Variants in CADM2 observed in about 807,000 individuals in gnomAD.
CADM2 encodes the protein immunoglobulin superfamily member 4D.
A neutral mutation model predicts 49.8 loss-of-function variants in CADM2; 12 were observed. That is an observed-to-expected ratio of 0.24 (90% CI 0.15 to 0.39). The LOEUF (loss-of-function observed/expected upper bound fraction) is 0.39, where lower values mean the gene tolerates loss of function less well. Among genes scored for constraint, CADM2 ranks in the 10% least tolerant of loss-of-function variants. The pLI, the probability that CADM2 is intolerant of heterozygous loss-of-function variation, is 1.00. For synonymous variants in CADM2, 214 were observed against 175.4 expected (o/e 1.22, Z -1.74); for missense variants, 378 against 492.3 (o/e 0.77, Z 2.20).
chr3:85,052,294 G>C (rs1489758351), intron 1 of CADM2, among the ~76,000 whole-genome samples: 1 of 152,028 alleles, frequency 6.6e-6, no homozygotes, highest in African/African-American at 2.4e-5. Flanking sequence ...CATGGATTAG[G>C]CTACAGCAAC....
intron 2 of CADM2, among the ~76,000 whole-genome samples, chr3:85,801,308 CA>C (rs1174464890): frequency 6.6e-6 from 1 of 151,976 alleles, no homozygotes; most frequent in African/African-American, 2.4e-5. Flanking sequence ...TCCAAATTAA[CA>C]AGGGTCATTT....
intron 1 of CADM2, among the ~76,000 whole-genome samples, chr3:85,439,525 T>A (rs1199136144): frequency 6.6e-6 from 1 of 152,166 alleles, no homozygotes; most frequent in Non-Finnish European, 1.5e-5. Flanking sequence ...GCAAACAAAT[T>A]CTTCTATTTT....
intron 1 of CADM2, among the ~76,000 whole-genome samples, chr3:85,503,290 T>C (rs2040192703): frequency 6.6e-6 from 1 of 152,138 alleles, no homozygotes; most frequent in South Asian, 2.1e-4. Context: ...CATGCTTCTG[T>C]TGGAAAATAT....
intron 8 of CADM2, among the ~76,000 whole-genome samples, chr3:85,971,402 A>G (rs1726116443): frequency 6.6e-6 from 1 of 151,708 alleles, no homozygotes; most frequent in South Asian, 2.1e-4. Context: ...GCATAGATGC[A>G]TAGAGGTTAA....
At chr3:85,497,588 T>A (rs1484453411) in intron 1 of CADM2, among the ~76,000 whole-genome samples, 1 of 152,190 alleles carries the variant, frequency 6.6e-6, no homozygotes, top group Non-Finnish European at 1.5e-5. Context: ...TTAAATGTTT[T>A]GTAATTCTCA....
chr3:85,769,901 G>C (rs2069983287), intron 2 of CADM2, among the ~76,000 whole-genome samples: 1 of 151,744 alleles, frequency 6.6e-6, no homozygotes, highest in South Asian at 2.1e-4. Flanking sequence ...TTAGTGTTTT[G>C]ATGCTAGAAC....
chr3:85,857,606 G>A (rs1465912624), intron 3 of CADM2, among the ~76,000 whole-genome samples: 2 of 152,086 alleles, frequency 1.3e-5, no homozygotes, highest in Admixed American at 6.5e-5. Flanking sequence ...GCCTCCCAAA[G>A]TGTTGGGTAA....
At position 85,030,135 on chromosome 3, in the gene CADM2, A is replaced by G. The variant is rs559237656; in HGVS notation, c.61+70467A>G. Among the ~76,000 whole-genome samples, 6 of 152,332 alleles carry G rather than the reference A, an allele frequency of 3.9e-5. No homozygotes were observed. In the East Asian group the frequency reaches 1.2e-3, roughly 29 times the overall value. ...TCTGCATTAAGTATCTTAAACTCCAAGATTCACTCTGACTACCTCTCAACC... is the reference window on the plus strand; with the variant it reads ...TCTGCATTAAGTATCTTAAACTCCAGGATTCACTCTGACTACCTCTCAACC... On this transcript the variant is annotated intron_variant, in intron 1 of 9. Coordinates refer to ENST00000383699, the MANE Select transcript of CADM2 (RefSeq NM_001167675.2).
Position 85,948,601 on chromosome 3 carries a change from A to T in CADM2, c.791+12744A>T, listed in dbSNP as rs561677703. On this transcript the variant is annotated intron_variant, in intron 7 of 9. Coordinates refer to ENST00000383699, the MANE Select transcript of CADM2 (RefSeq NM_001167675.2). ...CTCAAAAAAATACATCCTAAAAGAA[A>T]TTTTCTTGCATTACACATCTTTTTT... is the stretch of plus-strand genomic sequence containing the variant. Among the ~76,000 whole-genome samples the T allele has an allele frequency of 4.6e-5, 7 of 151,016 alleles. No individual in the cohort carries two copies. The South Asian group carries it at 1.4e-3, about 31-fold the overall frequency.
intron 1 of CADM2, among the ~76,000 whole-genome samples, chr3:85,651,982 TAC>T: frequency 8.0e-6 from 1 of 125,456 alleles, no homozygotes; most frequent in Non-Finnish European, 1.7e-5. Flanking sequence ...CACGCCCGGC[TAC>T]TTTTTTTTTT....
At chr3:85,277,074 G>T (rs1230559536) in intron 1 of CADM2, among the ~76,000 whole-genome samples, 2 of 151,342 alleles carry the variant, frequency 1.3e-5, no homozygotes, top group East Asian at 3.9e-4. Flanking sequence ...ATAGAACATT[G>T]TTATTAGCCA....
chr3:85,433,457 A>G (rs2036782748), intron 1 of CADM2, among the ~76,000 whole-genome samples: 2 of 152,014 alleles, frequency 1.3e-5, no homozygotes, highest in Non-Finnish European at 2.9e-5. Context: ...GAAAATCATT[A>G]TGGATTGCCT....
intron 1 of CADM2, among the ~76,000 whole-genome samples, chr3:85,436,656 A>G (rs1335726274): frequency 6.6e-6 from 1 of 152,200 alleles, no homozygotes; most frequent in African/African-American, 2.4e-5. Flanking sequence ...TGAAAGTGAA[A>G]GCAGAAATTC....
At chr3:85,126,212 T>A (rs2039027706) in intron 1 of CADM2, among the ~76,000 whole-genome samples, 1 of 152,110 alleles carries the variant, frequency 6.6e-6, no homozygotes, top group African/African-American at 2.4e-5. Context: ...TCCCCTGAAA[T>A]TATAATAGGT....
chr3:84,982,710 T>TATATATATATA (rs1178652886), intron 1 of CADM2, among the ~76,000 whole-genome samples: 1 of 92,416 alleles, frequency 1.1e-5, no homozygotes, highest in East Asian at 3.0e-4. Context: ...AGCATATATA[T>TATATATATATA]ATATATATAT....
chr3:84,984,200 A>G (rs1348370271), intron 1 of CADM2, among the ~76,000 whole-genome samples: 1 of 151,628 alleles, frequency 6.6e-6, no homozygotes, highest in African/African-American at 2.4e-5. Context: ...TGCCTCCCAT[A>G]TTTCTTCACC....
intron 5 of CADM2, among the ~76,000 whole-genome samples, chr3:85,890,930 G>A (rs893409544): frequency 6.6e-6 from 1 of 152,132 alleles, no homozygotes; most frequent in African/African-American, 2.4e-5. Context: ...GGCATGAGAA[G>A]TAAACAGAGA....
intron 3 of CADM2, among the ~76,000 whole-genome samples, chr3:85,838,315 G>A (rs1289113460): frequency 6.6e-6 from 1 of 151,724 alleles, no homozygotes; most frequent in Non-Finnish European, 1.5e-5. Flanking sequence ...AAATAAAAAT[G>A]TAGGGCCCTT....
intron 2 of CADM2, among the ~76,000 whole-genome samples, chr3:85,791,049 A>G (rs967362842): frequency 5.9e-5 from 9 of 152,362 alleles, no homozygotes; most frequent in South Asian, 2.1e-4. Flanking sequence ...AAAGTCTTTC[A>G]GACAAACCTA....
Sources: gnomAD v4.1 joint callset for allele counts (sites outside exome capture counted in the v4.1 genomes callset) on GRCh38, gnomAD v4.1.1 for gene constraint, MANE v1.5 for transcripts, NCBI Gene and HGNC (gene_info 2026-07-23, HGNC 2026-07-21) for gene names.